Variants in AGBL4 observed in about 807,000 individuals in gnomAD.
The protein encoded by AGBL4 is cytosolic carboxypeptidase 6.
A neutral mutation model predicts 66.4 loss-of-function variants in AGBL4; 58 were observed. The observed-to-expected ratio is 0.87, with a 90% confidence interval of 0.71 to 1.09. AGBL4 has a LOEUF of 1.09. Among genes scored for constraint, AGBL4 ranks in the 50% least tolerant of loss-of-function variants. The pLI is 0.00. For synonymous variants in AGBL4, 234 were observed against 222.9 expected (o/e 1.05, Z -0.44); for missense variants, 579 against 631.0 (o/e 0.92, Z 0.88).
intron 3 of AGBL4, among the ~76,000 whole-genome samples, chr1:49,388,209 T>C (rs919383517): frequency 2.0e-5 from 3 of 152,028 alleles, no homozygotes; most frequent in African/African-American, 4.8e-5. Flanking sequence ...AGTGCAGGAG[T>C]GGATAAACTT....
chr1:49,819,516 C>T (rs571980657), intron 2 of AGBL4, among the ~76,000 whole-genome samples: 7 of 152,236 alleles, frequency 4.6e-5, no homozygotes, highest in African/African-American at 1.4e-4. Flanking sequence ...CCCAAGACCA[C>T]ATAGATAATA....
chr1:49,442,224 C>G (rs1287676707), intron 3 of AGBL4, among the ~76,000 whole-genome samples: 1 of 152,132 alleles, frequency 6.6e-6, no homozygotes, highest in African/African-American at 2.4e-5. Flanking sequence ...AATCTTACCT[C>G]AAAAGCTGCC....
intron 6 of AGBL4, among the ~76,000 whole-genome samples, chr1:48,726,734 T>C (rs1436855977): frequency 6.6e-6 from 1 of 152,246 alleles, no homozygotes; most frequent in East Asian, 1.9e-4. Flanking sequence ...AATTAATGGA[T>C]GACCCATTAG....
chr1:48,761,064 C>T lies in AGBL4; in HGVS notation c.635-97823G>A. On this transcript the variant is annotated intron_variant, in intron 6 of 13. Coordinates refer to ENST00000371839, the MANE Select transcript of AGBL4 (RefSeq NM_032785.4). ...CAGAGCTGTGGGCCAAGGAGAAACA[C>T]ACCGTTCCAAACCTCCAACAGCGAT... 1.5e-5 allele frequency: 5 copies of T among 327,280 alleles called. No homozygotes were observed. The South Asian group carries it at 2.1e-4, about 14-fold the overall frequency. 20.3% of individuals were successfully genotyped at this position (327,280 alleles called of 1,614,324 possible). A position where few individuals can be genotyped will look rare whatever the true frequency, so the allele number is the denominator to read the frequency against.
chr1:49,583,403 A>T (rs911456876), intron 3 of AGBL4, among the ~76,000 whole-genome samples: 4 of 152,218 alleles, frequency 2.6e-5, no homozygotes, highest in Non-Finnish European at 4.4e-5. Flanking sequence ...AAACCAGTAA[A>T]TATAAGTAAG....
At chr1:49,675,989 T>TTA (rs900941639) in intron 3 of AGBL4, among the ~76,000 whole-genome samples, 1 of 152,088 alleles carries the variant, frequency 6.6e-6, no homozygotes, top group Non-Finnish European at 1.5e-5. Context: ...CCCCTCACAA[T>TTA]TATAGCTTTG....
chr1:49,839,441 T>C (rs1416302807), intron 2 of AGBL4, among the ~76,000 whole-genome samples: 1 of 152,188 alleles, frequency 6.6e-6, no homozygotes, highest in Non-Finnish European at 1.5e-5. Context: ...AATGAGATAA[T>C]GGCCTTATAA....
Position 49,245,851 on chromosome 1 carries a change from T to C in AGBL4, c.296A>G (p.Asn99Ser), listed in dbSNP as rs1651601949. The change falls in exon 4 of 14, where the codon AAC becomes AGC. Residue 99 changes from asparagine (N) to serine (S), a missense_variant. Transcript: ENST00000371839. ...NVKESQRVIF[N>S]IVNFSKTKSL... ...CTTGGTTTTACTGAAGTTAACAATG[T>C]TGAAAATGACCCTCTGAAAAAGAAA... is the stretch of plus-strand genomic sequence containing the variant. The C allele has an allele frequency of 6.5e-7, 1 of 1,548,736 alleles. No homozygotes were observed. The highest frequency in any genetic ancestry group is 2.4e-5 in the East Asian group (1 of 40,862).
At chr1:49,740,435 C>T (rs1055449836) in intron 2 of AGBL4, among the ~76,000 whole-genome samples, 2 of 152,048 alleles carry the variant, frequency 1.3e-5, no homozygotes, top group Admixed American at 6.6e-5. Context: ...ACGTAGACTC[C>T]CACACAATAA....
chr1:48,772,941 C>G (rs1225942980), intron 6 of AGBL4, among the ~76,000 whole-genome samples: 1 of 152,160 alleles, frequency 6.6e-6, no homozygotes, highest in Non-Finnish European at 1.5e-5. Context: ...TACACACTCC[C>G]TGAGGATGAT....
At chr1:49,673,626 TC>T (rs1456684131) in intron 3 of AGBL4, among the ~76,000 whole-genome samples, 1 of 152,032 alleles carries the variant, frequency 6.6e-6, no homozygotes, top group Non-Finnish European at 1.5e-5. Flanking sequence ...AAAAGAAAAT[TC>T]CCCAAGTGAA....
intron 2 of AGBL4, among the ~76,000 whole-genome samples, chr1:49,732,914 T>C (rs772244434): frequency 3.9e-5 from 6 of 151,900 alleles, no homozygotes; most frequent in Non-Finnish European, 4.4e-5. Flanking sequence ...GGATTCTTAA[T>C]AAACTTCATA....
chr1:49,696,891 A>C (rs544755592), intron 3 of AGBL4, among the ~76,000 whole-genome samples: 1 of 152,190 alleles, frequency 6.6e-6, no homozygotes, highest in South Asian at 2.1e-4. Context: ...AGATATAAAC[A>C]CTCTGTTGTA....
intron 5 of AGBL4, among the ~76,000 whole-genome samples, chr1:48,999,663 CT>C (rs1181857329): frequency 6.6e-6 from 1 of 152,132 alleles, no homozygotes; most frequent in East Asian, 1.9e-4. Context: ...CTCACTTTCT[CT>C]CACTGGGTCT....
chr1:48,958,602 G>A (rs1359699220), intron 5 of AGBL4, among the ~76,000 whole-genome samples: 1 of 152,186 alleles, frequency 6.6e-6, no homozygotes, highest in Non-Finnish European at 1.5e-5. Context: ...TCCTGGTCTT[G>A]GTCTCCCACA....
chr1:49,182,758 A>G (rs1485997655), intron 4 of AGBL4, among the ~76,000 whole-genome samples: 1 of 151,974 alleles, frequency 6.6e-6, no homozygotes, highest in Non-Finnish European at 1.5e-5. Flanking sequence ...GAGCTGCCTT[A>G]TATCAGGCAC....
At chr1:49,589,901 A>G (rs910098124) in intron 3 of AGBL4, among the ~76,000 whole-genome samples, 2 of 152,038 alleles carry the variant, frequency 1.3e-5, no homozygotes, top group Admixed American at 6.6e-5. Flanking sequence ...TACTCTTATG[A>G]GATAGCTATT....
chr1:48,525,757 T>C, the AGBL4 span, among the ~76,000 whole-genome samples: 1 of 152,120 alleles, frequency 6.6e-6, no homozygotes, highest in African/African-American at 2.4e-5. Flanking sequence ...AACGGCTACA[T>C]CTTTAAATCC....
chr1:48,630,413 T>C (rs1034602129), intron 9 of AGBL4, among the ~76,000 whole-genome samples: 2 of 152,160 alleles, frequency 1.3e-5, no homozygotes, highest in African/African-American at 4.8e-5. Context: ...AATGCATCAC[T>C]TGGCCCTGTA....
Sources: gnomAD v4.1 joint callset for allele counts (sites outside exome capture counted in the v4.1 genomes callset) on GRCh38, gnomAD v4.1.1 for gene constraint, MANE v1.5 for transcripts, NCBI Gene and HGNC (gene_info 2026-07-23, HGNC 2026-07-21) for gene names.